The following CDH18 variants were observed in gnomAD, a reference collection of about 807,000 sequenced individuals.
CDH18 encodes the protein cadherin 18, also known as cadherin-18.
A neutral mutation model predicts 67.9 loss-of-function variants in CDH18; 31 were observed. That is an observed-to-expected ratio of 0.46 (90% CI 0.34 to 0.62). The LOEUF is 0.62. Ranked by LOEUF, CDH18 falls within the 20% of genes least tolerant of loss-of-function variation. The pLI is 0.01. For missense variants in CDH18, 890 were observed against 975.5 expected (o/e 0.91, Z 1.17); for synonymous variants, 362 against 347.2 (o/e 1.04, Z -0.48).
intron 1 of CDH18, among the ~76,000 whole-genome samples, chr5:20,507,656 G>A (rs983808444): frequency 6.6e-6 from 1 of 152,026 alleles, no homozygotes; most frequent in African/African-American, 2.4e-5. Context: ...TAGCATAAAG[G>A]CATAGAAAAT....
intron 3 of CDH18, among the ~76,000 whole-genome samples, chr5:19,792,757 G>A (rs1423146643): frequency 1.3e-5 from 2 of 152,028 alleles, no homozygotes; most frequent in Admixed American, 1.3e-4. Flanking sequence ...CATGAAAAAA[G>A]TATCAGAATA....
At chr5:19,934,843 A>G (rs187692979) in intron 2 of CDH18, among the ~76,000 whole-genome samples, 12 of 151,534 alleles carry the variant, frequency 7.9e-5, no homozygotes, top group Admixed American at 6.6e-4. Context: ...CAAAGTGGCT[A>G]GTTATGGTCT....
At chr5:19,796,309 A>G (rs1223309637) in intron 3 of CDH18, among the ~76,000 whole-genome samples, 1 of 152,108 alleles carries the variant, frequency 6.6e-6, no homozygotes, top group Non-Finnish European at 1.5e-5. Context: ...AATATAAAAG[A>G]ACATTTTTTG....
intron 6 of CDH18, 130 bp downstream of exon 6, chr5:19,612,304 G>C: frequency 1.3e-6 from 1 of 784,818 alleles, no homozygotes; most frequent in South Asian, 1.9e-5. Context: ...CATGAAGAAG[G>C]GTGATCATAT....
chr5:19,980,710 T>C (rs1474365095), intron 2 of CDH18, among the ~76,000 whole-genome samples: 2 of 152,188 alleles, frequency 1.3e-5, no homozygotes, highest in Non-Finnish European at 2.9e-5. Flanking sequence ...TCACTTTAAG[T>C]GCAATCTAAT....
At chr5:20,409,044 T>C (rs1445525112) in intron 1 of CDH18, among the ~76,000 whole-genome samples, 5 of 151,818 alleles carry the variant, frequency 3.3e-5, no homozygotes, top group Admixed American at 3.3e-4. Flanking sequence ...TAGATATGTA[T>C]GCCTCTAACA....
chr5:19,942,589 T>C (rs1191068093), intron 2 of CDH18, among the ~76,000 whole-genome samples: 2 of 152,194 alleles, frequency 1.3e-5, no homozygotes, highest in African/African-American at 4.8e-5. Flanking sequence ...TTACTCATGT[T>C]TTCCTGAAAC....
intron 5 of CDH18, among the ~76,000 whole-genome samples, chr5:19,649,981 T>C (rs967599037): frequency 1.3e-5 from 2 of 152,026 alleles, no homozygotes; most frequent in African/African-American, 4.8e-5. Flanking sequence ...CATGCTTGAA[T>C]GATTGACAAC....
At chr5:20,232,796 T>G (rs1742175861) in intron 2 of CDH18, among the ~76,000 whole-genome samples, 1 of 152,090 alleles carries the variant, frequency 6.6e-6, no homozygotes, top group South Asian at 2.1e-4. Flanking sequence ...TAACCATATA[T>G]GCTACATTTA....
chr5:19,473,551 TCAG>T lies in CDH18; in HGVS notation c.2045_2047del (p.Ala682del), dbSNP rs1390369809. 6.2e-7 allele frequency: 1 copy of T among 1,613,906 alleles called. No individual in the cohort carries two copies. The highest frequency in any genetic ancestry group is 8.5e-7 in the Non-Finnish European group (1 of 1,179,868). On this transcript the variant is annotated inframe_deletion, in exon 13 of 13. Transcript: ENST00000382275. ...GATATCCCTCCGGTACTTGAGCTCC[TCAG>T]CAGCAGAAGGATTCCTCAAGGCTGT...
intron 6 of CDH18, among the ~76,000 whole-genome samples, chr5:19,601,027 G>A (rs1449956002): frequency 1.3e-5 from 2 of 152,074 alleles, no homozygotes; most frequent in Non-Finnish European, 2.9e-5. Context: ...AAAGCTCTTG[G>A]AAATATTCAA....
intron 1 of CDH18, among the ~76,000 whole-genome samples, chr5:20,551,485 A>T (rs1757629037): frequency 6.6e-6 from 1 of 152,152 alleles, no homozygotes; most frequent in African/African-American, 2.4e-5. Context: ...TTTATGACAC[A>T]CACCCACTTG....
chr5:19,670,118 A>G (rs1420550126), intron 5 of CDH18, among the ~76,000 whole-genome samples: 1 of 152,104 alleles, frequency 6.6e-6, no homozygotes, highest in Admixed American at 6.6e-5. Flanking sequence ...TCTGGGAAAC[A>G]ATACTCATAG....
rs1432827733 is a variant in CDH18 at position 19,687,431 on chromosome 5, T to C, written c.643+33916A>G. Among the ~76,000 whole-genome samples, 3 of 152,138 alleles carry C rather than the reference T, an allele frequency of 2.0e-5. No homozygotes were observed. In the East Asian group the frequency reaches 5.8e-4, roughly 29 times the overall value. ...CACAGAGGACTACAGTGGCATGACA[T>C]CAGTTACACCCACTGGAATGGCAGG... is the stretch of plus-strand genomic sequence containing the variant. On this transcript the variant is annotated intron_variant, in intron 5 of 12. Transcript: ENST00000382275.
intron 11 of CDH18, among the ~76,000 whole-genome samples, chr5:19,487,677 G>T (rs949804567): frequency 6.6e-6 from 1 of 152,036 alleles, no homozygotes; most frequent in Non-Finnish European, 1.5e-5. Context: ...AAAAATAGAT[G>T]ACAATGCATT....
intron 1 of CDH18, among the ~76,000 whole-genome samples, chr5:20,457,923 T>G (rs1164811093): frequency 6.6e-6 from 1 of 152,162 alleles, no homozygotes; most frequent in Non-Finnish European, 1.5e-5. Context: ...ATACTGGTAC[T>G]GATGACAGTA....
At chr5:20,526,429 AG>A (rs770262634) in intron 1 of CDH18, among the ~76,000 whole-genome samples, 1 of 152,020 alleles carries the variant, frequency 6.6e-6, no homozygotes, top group Admixed American at 6.6e-5. Flanking sequence ...TCCATCCATA[AG>A]GGGGGCTTTG....
intron 5 of CDH18, among the ~76,000 whole-genome samples, chr5:19,716,054 C>T (rs936058265): frequency 9.2e-5 from 14 of 151,924 alleles, no homozygotes; most frequent in Non-Finnish European, 1.5e-4. Flanking sequence ...CCTGACCTGA[C>T]GTGATCCGTC....
chr5:20,312,002 C>T (rs1737040497), intron 1 of CDH18, among the ~76,000 whole-genome samples: 1 of 152,118 alleles, frequency 6.6e-6, no homozygotes, highest in South Asian at 2.1e-4. Flanking sequence ...CACTCCCTTG[C>T]ATATGGGTTT....
Sources: allele counts gnomAD v4.1 joint callset (sites outside exome capture counted in the v4.1 genomes callset), GRCh38; gene constraint gnomAD v4.1.1; transcripts MANE v1.5; gene names NCBI Gene and HGNC (gene_info 2026-07-23, HGNC 2026-07-21).